Variants in FNDC1 observed in about 807,000 individuals in gnomAD.
The protein encoded by FNDC1 is fibronectin type III domain containing 1, also known as fibronectin type III domain-containing protein 1.
FNDC1 carries 96 observed loss-of-function variants against 168.0 expected under a neutral mutation model. The ratio of observed to expected loss-of-function variants is 0.57; its 90% confidence interval spans 0.48 to 0.68. The LOEUF is 0.68. Among genes scored for constraint, FNDC1 ranks in the 30% least tolerant of loss-of-function variants. The probability of loss-of-function intolerance (pLI) is 0.00; values close to 1 mark genes in which losing one functional copy is unlikely to be tolerated. For synonymous variants in FNDC1, 1,099 were observed against 1,025.9 expected (o/e 1.07, Z -1.36); for missense variants, 2,587 against 2,482.1 (o/e 1.04, Z -0.90).
chr6:159,224,891 T>C (rs1489976606), intron 7 of FNDC1, among the ~76,000 whole-genome samples: 1 of 152,218 alleles, frequency 6.6e-6, no homozygotes, highest in Non-Finnish European at 1.5e-5. Context: ...GTGTCCACTG[T>C]CAGGGGTTGC....
At chr6:159,260,391 C>T (rs191788156) in intron 18 of FNDC1, among the ~76,000 whole-genome samples, 1 of 152,316 alleles carries the variant, frequency 6.6e-6, no homozygotes, top group Admixed American at 6.5e-5. Context: ...TCCAGATGAG[C>T]TAGTTGACTC....
At position 159,267,916 on chromosome 6, in the gene FNDC1, T is replaced by A; in HGVS notation, c.5559T>A (p.Pro1853=). 1 of 1,609,730 alleles carries A rather than the reference T, an allele frequency of 6.2e-7. No homozygotes were observed. Among genetic ancestry groups the A allele is most frequent in the Non-Finnish European group, 8.5e-7 (1 of 1,177,796 alleles). The change falls in exon 22 of 23, where the codon CCT becomes CCA. Residue 1853 remains proline, a synonymous_variant. Transcript: ENST00000297267. ...TGPQSYVEAL[P]TIQGYYRQYR... Reference sequence around the variant, plus strand: ...CTCAGTCCTATGTAGAAGCCCTCCCTACTATTCAAGGTAATACAAACAAAT... The same window carrying A: ...CTCAGTCCTATGTAGAAGCCCTCCCAACTATTCAAGGTAATACAAACAAAT...
intron 9 of FNDC1, among the ~76,000 whole-genome samples, chr6:159,226,946 G>A (rs186595961): frequency 5.3e-5 from 8 of 152,286 alleles, no homozygotes; most frequent in African/African-American, 1.9e-4. Context: ...ATCCTGCAGA[G>A]CCATCAGTAT....
chr6:159,268,585 G>T (rs553058648), intron 22 of FNDC1, among the ~76,000 whole-genome samples: 1 of 151,216 alleles, frequency 6.6e-6, no homozygotes, highest in South Asian at 2.1e-4. Flanking sequence ...CCATCTATCC[G>T]TCTCTCTCTC....
chr6:159,220,752 A>G (rs1782806090), intron 5 of FNDC1, among the ~76,000 whole-genome samples: 1 of 152,224 alleles, frequency 6.6e-6, no homozygotes, highest in South Asian at 2.1e-4. Context: ...GCATTCCCTG[A>G]GTATACCCAA....
rs61738486 is a variant in FNDC1, at chr6:159,234,326, G to T, written c.3814G>T (p.Val1272Phe). ...PPRSAATVSP[V>F]AGTHPWPQYT... Reference sequence around the variant, plus strand: ...TCGCAGCGCTGCCACCGTGAGCCCCGTCGCGGGCACCCACCCCTGGCCGCA... The same window carrying T: ...TCGCAGCGCTGCCACCGTGAGCCCCTTCGCGGGCACCCACCCCTGGCCGCA... Residue 1272 changes from valine to phenylalanine, a missense_variant, in exon 11 of 23, where the codon GTC becomes TTC. Coordinates refer to ENST00000297267, the MANE Select transcript of FNDC1 (RefSeq NM_032532.3). 6.2e-7 allele frequency: 1 copy of T among 1,610,124 alleles called. No homozygotes were observed. The highest frequency in any genetic ancestry group is 8.5e-7 in the Non-Finnish European group (1 of 1,178,416).
chr6:159,223,775 A>G, intron 7 of FNDC1, 130 bp downstream of exon 7: 1 of 612,744 alleles, frequency 1.6e-6, no homozygotes, highest in Non-Finnish European at 2.9e-6. Context: ...TGAATAGCTG[A>G]ATGGTAAATA....
intron 21 of FNDC1, among the ~76,000 whole-genome samples, chr6:159,266,861 TG>T (rs1357463939): frequency 6.6e-6 from 1 of 152,172 alleles, no homozygotes; most frequent in Non-Finnish European, 1.5e-5. Context: ...AAAATCACAT[TG>T]TTTTTATCAT....
At chr6:159,227,878 G>T (rs1168290131) in intron 9 of FNDC1, among the ~76,000 whole-genome samples, 1 of 152,060 alleles carries the variant, frequency 6.6e-6, no homozygotes, top group African/African-American at 2.4e-5. Flanking sequence ...ATCTGTGCTG[G>T]GCCTCATTCA....
intron 4 of FNDC1, 75 bp from the exon 5 acceptor site, chr6:159,214,870 G>A: frequency 7.6e-7 from 1 of 1,308,118 alleles, no homozygotes. Context: ...CTCAGGGTCT[G>A]AAGACCTCAT....
intron 17 of FNDC1, 100 bp from the exon 18 acceptor site, chr6:159,256,423 G>T: frequency 1.2e-6 from 1 of 813,968 alleles, no homozygotes; most frequent in Middle Eastern, 2.4e-4. Flanking sequence ...ACATGGAGCT[G>T]CATCTGCAGC....
At chr6:159,235,058 C>T (rs1011346721) in intron 11 of FNDC1, among the ~76,000 whole-genome samples, 3 of 152,200 alleles carry the variant, frequency 2.0e-5, no homozygotes, top group Non-Finnish European at 4.4e-5. Flanking sequence ...GTATGAATTG[C>T]TCAGACAGTG....
chr6:159,216,841 T>C (rs1306001985), intron 5 of FNDC1, among the ~76,000 whole-genome samples: 1 of 152,242 alleles, frequency 6.6e-6, no homozygotes, highest in Non-Finnish European at 1.5e-5. Context: ...ATCAGTTCAG[T>C]ACTCAAGCAA....
At chr6:159,195,728 G>A (rs1001449533) in intron 1 of FNDC1, among the ~76,000 whole-genome samples, 1 of 152,176 alleles carries the variant, frequency 6.6e-6, no homozygotes, top group Non-Finnish European at 1.5e-5. Context: ...AGTAAATCAT[G>A]TTCTGGCCTA....
Position 159,215,049 on chromosome 6 carries a change from C to A in FNDC1, c.565C>A (p.Arg189Ser). ...ACGCCTGTCTGGAGCCAAGAGTCCA[C>A]GCAGATCACGGGGTTTTCTCCTGGG... ...APRLSGAKSP[R>S]RSRGFLLGYG... Residue 189 changes from arginine to serine, a missense_variant, in exon 5 of 23, where the codon CGC becomes AGC. Arg to Ser is a moderately radical substitution (Grantham distance 110). Coordinates refer to ENST00000297267, the MANE Select transcript of FNDC1 (RefSeq NM_032532.3). 3 of 1,613,998 alleles carry A rather than the reference C, an allele frequency of 1.9e-6. No individual in the cohort carries two copies. Among genetic ancestry groups the A allele is most frequent in the African/African-American group, 1.3e-5 (1 of 75,058 alleles).
intron 5 of FNDC1, among the ~76,000 whole-genome samples, chr6:159,219,718 A>G (rs1445202587): frequency 1.3e-5 from 2 of 152,202 alleles, no homozygotes; most frequent in Non-Finnish European, 2.9e-5. Flanking sequence ...CAGCAAATCA[A>G]GAAATCTGGG....
chr6:159,233,340 C>A lies in FNDC1; in HGVS notation c.2828C>A (p.Ser943Tyr). The change falls in exon 11 of 23, where the codon TCC (serine) becomes TAC (tyrosine). Residue 943 changes from serine (S) to tyrosine (Y), a missense_variant. Physicochemically the swap from Ser to Tyr is moderately radical, Grantham distance 144. Coordinates refer to ENST00000297267, the MANE Select transcript of FNDC1 (RefSeq NM_032532.3). The surrounding 1 kb of genome is among the most constrained non-coding windows in gnomAD (Gnocchi z 4.6). ...GATACACATCCTCAGGGCAAGTACTCCTCCCTGGCCTCCAAGGCTCAGGAT... is the reference window on the plus strand; with the variant it reads ...GATACACATCCTCAGGGCAAGTACTACTCCCTGGCCTCCAAGGCTCAGGAT... The part of the protein sequence containing the change: ...GADTHPQGKY[S>Y]SLASKAQDVQ... 1 of 1,613,948 alleles carries A rather than the reference C, an allele frequency of 6.2e-7. No individual in the cohort carries two copies. Among genetic ancestry groups the A allele is most frequent in the Non-Finnish European group, 8.5e-7 (1 of 1,179,866 alleles).
intron 17 of FNDC1, 49 bp downstream of exon 17, chr6:159,251,581 T>A: frequency 6.6e-7 from 1 of 1,520,300 alleles, no homozygotes; most frequent in Non-Finnish European, 9.0e-7. Context: ...AGGTGGGAAA[T>A]GTGGACAATA....
At chr6:159,248,083 C>A (rs1482287127) in intron 15 of FNDC1, among the ~76,000 whole-genome samples, 1 of 152,030 alleles carries the variant, frequency 6.6e-6, no homozygotes, top group Middle Eastern at 3.2e-3. Context: ...TGGTTTAATC[C>A]CAAGGTTTTC....
Sources: gnomAD v4.1 joint callset for allele counts (sites outside exome capture counted in the v4.1 genomes callset) on GRCh38, gnomAD v4.1.1 for gene constraint, Gnocchi (gnomAD v3.1) non-coding constraint, MANE v1.5 for transcripts, NCBI Gene and HGNC (gene_info 2026-07-23, HGNC 2026-07-21) for gene names.